Variants in NAV3 observed in about 807,000 individuals in gnomAD.
NAV3 encodes pore membrane and/or filament interacting like protein 1.
In NAV3, 87 loss-of-function variants were observed where a neutral mutation model predicts 244.7. The observed-to-expected ratio is 0.36, with a 90% CI of 0.30 to 0.42. The LOEUF (loss-of-function observed/expected upper bound fraction) is 0.42, where lower values mean the gene tolerates loss of function less well. Among genes scored for constraint, NAV3 ranks in the 20% least tolerant of loss-of-function variants. NAV3 has a pLI of 1.00. For missense variants in NAV3, 2,663 were observed against 2,893.3 expected (o/e 0.92, Z 1.83); for synonymous variants, 1,126 against 1,042.2 (o/e 1.08, Z -1.55).
intron 34 of NAV3, among the ~76,000 whole-genome samples, chr12:78,195,338 T>G (rs1418037265): frequency 1.3e-5 from 2 of 151,872 alleles, no homozygotes; most frequent in Admixed American, 6.6e-5. Context: ...TTTTTATTCT[T>G]TAGATTTCAA....
intron 38 of NAV3, among the ~76,000 whole-genome samples, chr12:78,204,018 C>T (rs1294794661): frequency 6.6e-6 from 1 of 151,990 alleles, no homozygotes; most frequent in Non-Finnish European, 1.5e-5. Context: ...GCAAATTGCA[C>T]AATAAGGGTT....
At chr12:77,810,940 G>C (rs1047692082) in intron 2 of NAV3, among the ~76,000 whole-genome samples, 10 of 152,110 alleles carry the variant, frequency 6.6e-5, no homozygotes, top group Admixed American at 1.3e-4. Context: ...GAAAGCAAAA[G>C]AAGAAGCCCT....
rs749634996 is a variant in NAV3 at position 77,998,327 on chromosome 12, A to G, written c.741-10A>G. 6.5e-7 allele frequency: 1 copy of G among 1,543,620 alleles called. No homozygotes were observed. The highest frequency in any genetic ancestry group is 1.2e-5 in the South Asian group (1 of 80,230). ...ACAATAATGATGTAATTTTTCTTAT[A>G]CTATTTCAGGCTTCCAGGGCCCTCT... On this transcript the variant is annotated splice_polypyrimidine_tract_variant and intron_variant, in intron 6 of 39. Coordinates refer to ENST00000397909, the MANE Select transcript of NAV3 (RefSeq NM_001024383.2).
intron 1 of NAV3, among the ~76,000 whole-genome samples, chr12:77,849,433 C>T (rs537340134): frequency 7.2e-5 from 11 of 152,194 alleles, no homozygotes; most frequent in African/African-American, 2.4e-4. Context: ...ATCTGAAATT[C>T]TCCAAAATCT....
Position 77,941,081 on chromosome 12 carries a change from C to G in NAV3, c.362C>G (p.Ala121Gly), listed in dbSNP as rs750608542. 1 of 1,573,328 alleles carries G rather than the reference C, an allele frequency of 6.4e-7. No homozygotes were observed. The highest frequency in any genetic ancestry group is 8.7e-7 in the Non-Finnish European group (1 of 1,151,180). ...VLLAEIIQII[A>G]NEKVEDINGC... The stretch of plus-strand genomic sequence containing the variant: ...CTTTTATTTTATCTCTTGGCTTTAG[C>G]AAATGAAAAAGTTGAAGATATCAAT... Residue 121 changes from alanine (A) to glycine (G), a missense_variant and splice_region_variant, in exon 3 of 40, where the codon GCA becomes GGA. Ala to Gly is a moderately conservative substitution (Grantham distance 60, BLOSUM62 0). This residue lies in a region of NAV3 where 1,521 missense variants were observed against 1,497.0 expected (regional missense o/e 1.02). Coordinates refer to ENST00000397909, the MANE Select transcript of NAV3 (RefSeq NM_001024383.2).
chr12:77,975,575 C>T (rs1300928981), intron 5 of NAV3, among the ~76,000 whole-genome samples: 3 of 152,080 alleles, frequency 2.0e-5, no homozygotes, highest in Admixed American at 6.5e-5. Context: ...AGAATGTTGT[C>T]GGTGAATATC....
rs553253137 is a variant in NAV3 at position 77,981,714 on chromosome 12, G to C, written c.671+13012G>C. On this transcript the variant is annotated intron_variant, in intron 5 of 39. Transcript: ENST00000397909. ...GTATTATAGAAGAAAAAATTGGGAG[G>C]TAAAAATTGCCTACTAAAACTCAAA... Among the ~76,000 whole-genome samples, 318 of 152,046 alleles carry C rather than the reference G, an allele frequency of 2.1e-3. 1 individual carries two copies. The highest frequency in any genetic ancestry group is 3.6e-3 in the Non-Finnish European group (245 of 67,952).
At chr12:77,700,097 C>A (rs557458884) in intron 2 of NAV3, among the ~76,000 whole-genome samples, 3 of 152,220 alleles carry the variant, frequency 2.0e-5, no homozygotes, top group South Asian at 2.1e-4. Context: ...TGCTTCGATA[C>A]AAACCTAATG....
chr12:77,574,240 G>A (rs572053012), intron 2 of NAV3, among the ~76,000 whole-genome samples: 5 of 152,140 alleles, frequency 3.3e-5, no homozygotes, highest in African/African-American at 1.2e-4. Flanking sequence ...GCTGGTGTGG[G>A]CACCTAAAAA....
chr12:77,928,567 A>G (rs1183047404), intron 1 of NAV3, among the ~76,000 whole-genome samples: 1 of 152,132 alleles, frequency 6.6e-6, no homozygotes, highest in Admixed American at 6.5e-5. Flanking sequence ...CAAGCACAGT[A>G]CTGCTCAATA....
chr12:78,150,480 T>C (rs1314353749), intron 22 of NAV3, among the ~76,000 whole-genome samples: 1 of 149,386 alleles, frequency 6.7e-6, no homozygotes, highest in Non-Finnish European at 1.5e-5. Flanking sequence ...ACTAAAATGG[T>C]ATTTCACATT....
At chr12:77,729,060 T>G (rs548897913) in intron 2 of NAV3, among the ~76,000 whole-genome samples, 21 of 152,078 alleles carry the variant, frequency 1.4e-4, no homozygotes, top group Non-Finnish European at 2.6e-4. Flanking sequence ...ATATAATACA[T>G]GTAACATGCA....
At chr12:77,909,793 A>G (rs1886391701) in intron 1 of NAV3, among the ~76,000 whole-genome samples, 1 of 152,128 alleles carries the variant, frequency 6.6e-6, no homozygotes, top group African/African-American at 2.4e-5. Context: ...GACTAGCATC[A>G]GAGTCTATAG....
chr12:78,120,262 C>T (rs1160089618), intron 15 of NAV3, among the ~76,000 whole-genome samples: 2 of 152,134 alleles, frequency 1.3e-5, no homozygotes, highest in African/African-American at 4.8e-5. Flanking sequence ...AAAGTAATAG[C>T]TTGTAAAATT....
intron 1 of NAV3, among the ~76,000 whole-genome samples, chr12:77,888,369 G>T (rs1410707527): frequency 6.6e-6 from 1 of 151,984 alleles, no homozygotes; most frequent in Non-Finnish European, 1.5e-5. Context: ...CCCAGCTACT[G>T]GGGAGGTTGA....
At chr12:77,996,004 A>G (rs1466574439) in intron 6 of NAV3, among the ~76,000 whole-genome samples, 60 of 152,118 alleles carry the variant, frequency 3.9e-4, no homozygotes, top group Admixed American at 3.8e-3. Context: ...CTGTCAAATT[A>G]GGGTAATGAG....
intron 5 of NAV3, among the ~76,000 whole-genome samples, chr12:77,971,786 A>T (rs1893018939): frequency 6.6e-6 from 1 of 152,140 alleles, no homozygotes. Flanking sequence ...TGGCCAGAAA[A>T]TGTTCTTATA....
intron 12 of NAV3, among the ~76,000 whole-genome samples, chr12:78,074,361 GT>G (rs370155375): frequency 2.1e-3 from 317 of 152,310 alleles, no homozygotes; most frequent in African/African-American, 7.3e-3. Flanking sequence ...TTTGAGGAGA[GT>G]TTACAGAAAA....
intron 1 of NAV3, among the ~76,000 whole-genome samples, chr12:77,867,506 G>T (rs962084642): frequency 6.6e-6 from 1 of 151,974 alleles, no homozygotes; most frequent in African/African-American, 2.4e-5. Flanking sequence ...TGCCAGCTCC[G>T]CCTCCCAGGT....
Sources: gnomAD v4.1 joint callset for allele counts (sites outside exome capture counted in the v4.1 genomes callset) on GRCh38, gnomAD v4.1.1 for gene constraint, gnomAD v4.1.1 regional missense constraint, MANE v1.5 for transcripts, NCBI Gene and HGNC (gene_info 2026-07-23, HGNC 2026-07-21) for gene names.